CLPTM1L: variants seen among roughly 807,000 people sequenced by gnomAD.
CLPTM1L encodes CLPTM1 like.
A neutral mutation model predicts 70.9 loss-of-function variants in CLPTM1L; 38 were observed. The ratio of observed to expected loss-of-function variants is 0.54; its 90% CI spans 0.41 to 0.70. CLPTM1L has a LOEUF of 0.70. Ranked by LOEUF, CLPTM1L falls within the 30% of genes least tolerant of loss-of-function variation. CLPTM1L has a pLI of 0.00. For missense variants in CLPTM1L, 652 were observed against 705.9 expected (o/e 0.92, Z 0.87); for synonymous variants, 339 against 299.9 (o/e 1.13, Z -1.35).
At chr5:1,341,546 G>T in intron 3 of CLPTM1L, 125 bp downstream of exon 3, 1 of 725,412 alleles carries the variant, frequency 1.4e-6, no homozygotes, top group Non-Finnish European at 2.3e-6. Flanking sequence ...ACATTCCAAT[G>T]GCTTTTGGCT....
chr5:1,336,715 C>T (rs1753596409), intron 5 of CLPTM1L, among the ~76,000 whole-genome samples: 1 of 152,226 alleles, frequency 6.6e-6, no homozygotes, highest in South Asian at 2.1e-4. Context: ...GGATAGGCTG[C>T]AGCGCCAGAC....
intron 2 of CLPTM1L, 67 bp downstream of exon 2, chr5:1,344,284 A>T: frequency 2.8e-6 from 3 of 1,082,756 alleles, no homozygotes; most frequent in Non-Finnish European, 4.3e-6. Context: ...ACAGAAAGCT[A>T]ACTTTTAAAC....
intron 16 of CLPTM1L, chr5:1,320,276 A>G (rs1752074122): frequency 5.1e-6 from 1 of 197,606 alleles, no homozygotes; most frequent in Admixed American, 6.1e-5. Context: ...TGGATTAGCC[A>G]TGCTACGGTC....
chr5:1,326,413 T>A, intron 9 of CLPTM1L: 1 of 240,748 alleles, frequency 4.2e-6, no homozygotes, highest in Non-Finnish European at 7.8e-6. Flanking sequence ...TACAGACACA[T>A]TTCATCCAGC....
intron 5 of CLPTM1L, among the ~76,000 whole-genome samples, chr5:1,336,097 C>A (rs908591944): frequency 1.3e-4 from 20 of 152,350 alleles, no homozygotes; most frequent in Non-Finnish European, 2.5e-4. Flanking sequence ...GCTGTCAGGG[C>A]GCCCCACGTA....
chr5:1,326,248 C>G, intron 9 of CLPTM1L: 1 of 249,888 alleles, frequency 4.0e-6, no homozygotes, highest in Non-Finnish European at 7.7e-6. Flanking sequence ...GGGCACGGCA[C>G]TGTGACTCGT....
Position 1,320,679 on chromosome 5 carries a change from G to C in CLPTM1L, c.1469C>G (p.Thr490Arg). 2 of 1,548,530 alleles carry C rather than the reference G, an allele frequency of 1.3e-6. No individual in the cohort carries two copies. Among genetic ancestry groups the C allele is most frequent in the East Asian group, 2.5e-5 (1 of 40,734 alleles). Residue 490 changes from threonine to arginine, a missense_variant, in exon 16 of 17, where the codon ACG (threonine) becomes AGG (arginine). Thr to Arg is a moderately conservative substitution (Grantham distance 71). Transcript: ENST00000320895. ...CCGGAAGCAGGCCAGCCGGTGAGAC[G>C]TGGGCATGGTGATGATGAAGGCAAA... ...DVFAFIITMP[T>R]SHRLACFRDD...
In CLPTM1L at chr5:1,342,039, T is replaced by TGTGCGC. The variant is rs3222913; in HGVS notation, c.264-180_264-179insGCGCAC. 1.4e-3 allele frequency among the ~76,000 whole-genome samples: 203 copies of TGTGCGC among 149,090 alleles called. 1 individual carries two copies. The highest frequency in any genetic ancestry group is 2.3e-3 in the African/African-American group (90 of 39,784). On this transcript the variant is annotated intron_variant, in intron 2 of 16. Transcript: ENST00000320895. This position sits in a 1 kb window ranked among gnomAD's most constrained non-coding sequence, Gnocchi z 4.3. ...GTGTGTGTGTGTGTGTGTGTGTGTGTGCACGCGCACGCGTGCGCGTCCTGA... is the reference window on the plus strand; with the variant it reads ...GTGTGTGTGTGTGTGTGTGTGTGTGTGTGCGCGCACGCGCACGCGTGCGCGTCCTGA...
intron 3 of CLPTM1L, among the ~76,000 whole-genome samples, chr5:1,340,736 G>C (rs1420257599): frequency 3.3e-5 from 5 of 152,186 alleles, no homozygotes; most frequent in Non-Finnish European, 7.3e-5. Context: ...CTTTCTCTCT[G>C]TCTGGAACAA....
chr5:1,344,747 T>C lies in CLPTM1L; in HGVS notation c.95A>G (p.Tyr32Cys). 6.2e-7 allele frequency: 1 copy of C among 1,602,404 alleles called. No homozygotes were observed. Among genetic ancestry groups the C allele is most frequent in the Non-Finnish European group, 8.5e-7 (1 of 1,175,692 alleles). The change falls in exon 1 of 17, where the codon TAC becomes TGC. Residue 32 changes from tyrosine to cysteine, a missense_variant. This residue lies in a region of CLPTM1L where 402 missense variants were observed against 388.2 expected (regional missense o/e 1.04). Transcript: ENST00000320895. ...GGCGTCGCCGGAGCACGGGCGGGTGTAGACGATGCCGTACATGACCCAGCA... is the reference window on the plus strand; with the variant it reads ...GGCGTCGCCGGAGCACGGGCGGGTGCAGACGATGCCGTACATGACCCAGCA... Reference protein sequence around the residue: ...HTCWVMYGIVYTRPCSGDANC... With the variant: ...HTCWVMYGIVCTRPCSGDANC...
rs781257620 is a variant in CLPTM1L at position 1,330,339 on chromosome 5, G to A, written c.1021C>T (p.Leu341=). The change falls in exon 9 of 17, where the codon CTG becomes TTG. Residue 341 remains leucine (L), a synonymous_variant. Coordinates refer to ENST00000320895, the MANE Select transcript of CLPTM1L (RefSeq NM_030782.5). ...FSTVVIFLFL[L]DEQTSLLVLV... is the part of the protein sequence containing the mutation. ...ACCAGCAGGCTCGTCTGCTCGTCCA[G>A]CAGGAACAGAAAGATGACCACGGTG... 6.2e-7 allele frequency: 1 copy of A among 1,612,868 alleles called. No individual in the cohort carries two copies. The highest frequency in any genetic ancestry group is 2.2e-5 in the East Asian group (1 of 44,878).
chr5:1,324,844 T>C (rs1405449766), intron 10 of CLPTM1L, 31 bp from the exon 11 acceptor site: 11 of 1,600,864 alleles, frequency 6.9e-6, no homozygotes, highest in East Asian at 2.2e-5. Flanking sequence ...GTGATATTAA[T>C]AGACTCAGGG....
In CLPTM1L at chr5:1,334,216, G is replaced by C. The variant is rs565153091; in HGVS notation, c.891+73C>G. 9.9e-5 allele frequency: 108 copies of C among 1,096,054 alleles called. 1 individual carries two copies. The South Asian group carries it at 1.4e-3, about 14-fold the overall frequency. The allele number at this position is 1,096,054 out of a possible 1,614,324, so 67.9% of individuals were successfully genotyped here. A position where few individuals can be genotyped will look rare whatever the true frequency, so the allele number is the denominator to read the frequency against. On this transcript the variant is annotated intron_variant, in intron 7 of 16. Transcript: ENST00000320895. Reference sequence around the variant, plus strand: ...CGGCGCCCACAAACCCCAGGTCCAGGACCCCTGCAGGAGGCCCGGGGCCCA... The same window carrying C: ...CGGCGCCCACAAACCCCAGGTCCAGCACCCCTGCAGGAGGCCCGGGGCCCA...
chr5:1,322,357 TC>T (rs1752206862), intron 13 of CLPTM1L, among the ~76,000 whole-genome samples: 1 of 152,174 alleles, frequency 6.6e-6, no homozygotes, highest in South Asian at 2.1e-4. Context: ...CAGGCGGGCC[TC>T]CCAGGACATG....
chr5:1,318,879 C>T lies in CLPTM1L; in HGVS notation c.1533-426G>A, dbSNP rs992411190. ...CACTGCCGCCGCCTTTGATCCTGAGCGCCCCGGAGGCCTTGCCAACATCAC... is the reference window on the plus strand; with the variant it reads ...CACTGCCGCCGCCTTTGATCCTGAGTGCCCCGGAGGCCTTGCCAACATCAC... On this transcript the variant is annotated intron_variant, in intron 16 of 16. Coordinates refer to ENST00000320895, the MANE Select transcript of CLPTM1L (RefSeq NM_030782.5). This position sits in a 1 kb window ranked among gnomAD's most constrained non-coding sequence, Gnocchi z 8.9. Among the ~76,000 whole-genome samples, 5 of 152,206 alleles carry T rather than the reference C, an allele frequency of 3.3e-5. No individual in the cohort carries two copies. Among genetic ancestry groups the T allele is most frequent in the African/African-American group, 1.2e-4 (5 of 41,448 alleles).
chr5:1,338,182 C>T (rs1579651188), intron 4 of CLPTM1L, 200 bp from the exon 5 acceptor site: 15 of 600,502 alleles, frequency 2.5e-5, no homozygotes, highest in East Asian at 2.2e-4. Flanking sequence ...TTGTGAGACC[C>T]GCTCCCCAGG....
intron 11 of CLPTM1L, among the ~76,000 whole-genome samples, chr5:1,324,227 TTC>T (rs2126724395): frequency 1.3e-5 from 2 of 152,372 alleles, no homozygotes; most frequent in South Asian, 4.1e-4. Flanking sequence ...GCTGTATCCA[TTC>T]TGATTTCAGC....
chr5:1,334,218 C>G (rs1273089197), intron 7 of CLPTM1L, 71 bp downstream of exon 7: 2 of 1,107,676 alleles, frequency 1.8e-6, no homozygotes, highest in Non-Finnish European at 2.7e-6. Flanking sequence ...AGGTCCAGGA[C>G]CCCTGCAGGA....
Position 1,327,073 on chromosome 5 carries a change from G to A in CLPTM1L, c.1081-1257C>T, listed in dbSNP as rs1307106117. The stretch of plus-strand genomic sequence containing the variant: ...GGGACATTCCACCCAGCTCCTCCTC[G>A]ACAGGGACATTCCACCCAGCTCCTC... On this transcript the variant is annotated intron_variant, in intron 9 of 16. Coordinates refer to ENST00000320895, the MANE Select transcript of CLPTM1L (RefSeq NM_030782.5). 6.8e-3 allele frequency among the ~76,000 whole-genome samples: 553 copies of A among 81,536 alleles called. 4 individuals are homozygous for A. Among genetic ancestry groups the A allele is most frequent in the Admixed American group, 0.011 (86 of 7,558 alleles). The allele number at this position is 81,536 out of a possible 152,430, so 53.5% of individuals were successfully genotyped here.
Sources: gnomAD v4.1 joint callset for allele counts (sites outside exome capture counted in the v4.1 genomes callset) on GRCh38, gnomAD v4.1.1 for gene constraint, gnomAD v4.1.1 regional missense constraint, Gnocchi (gnomAD v3.1) non-coding constraint, MANE v1.5 for transcripts, NCBI Gene and HGNC (gene_info 2026-07-23, HGNC 2026-07-21) for gene names.